The following TESK2 variants were observed in gnomAD, a reference collection of about 807,000 sequenced individuals.
TESK2 encodes the protein dual specificity testis-specific protein kinase 2.
In TESK2, 39 loss-of-function variants were observed where a neutral mutation model predicts 57.1. The ratio of observed to expected loss-of-function variants is 0.68; its 90% CI spans 0.53 to 0.89. The LOEUF (loss-of-function observed/expected upper bound fraction) is 0.89. Among genes scored for constraint, TESK2 ranks in the 40% least tolerant of loss-of-function variants. The pLI is 0.00. For synonymous variants in TESK2, 249 were observed against 267.9 expected (o/e 0.93, Z 0.69); for missense variants, 646 against 732.1 (o/e 0.88, Z 1.36).
chr1:45,405,972 C>T (rs1017194259), intron 3 of TESK2, among the ~76,000 whole-genome samples: 7 of 152,086 alleles, frequency 4.6e-5, no homozygotes, highest in Admixed American at 2.0e-4. Context: ...CCTGCAATCC[C>T]AGTATTTTGG....
At chr1:45,471,166 G>A (rs1482370440) in intron 1 of TESK2, among the ~76,000 whole-genome samples, 2 of 152,096 alleles carry the variant, frequency 1.3e-5, no homozygotes, top group Admixed American at 1.3e-4. Flanking sequence ...AGGAGGCAGA[G>A]GTTGCAGTGA....
At chr1:45,432,815 G>C (rs1570724969) in intron 2 of TESK2, among the ~76,000 whole-genome samples, 1 of 127,660 alleles carries the variant, frequency 7.8e-6, no homozygotes, top group African/African-American at 3.0e-5. Flanking sequence ...CCAGGCTGGA[G>C]TGCAGTGGCA....
chr1:45,454,681 T>A (rs1407830200), intron 2 of TESK2, among the ~76,000 whole-genome samples: 1 of 152,100 alleles, frequency 6.6e-6, no homozygotes, highest in Non-Finnish European at 1.5e-5. Context: ...CCAAAAGAAT[T>A]GCAAGCAAAG....
intron 3 of TESK2, among the ~76,000 whole-genome samples, chr1:45,386,520 T>C (rs1313949133): frequency 6.6e-6 from 1 of 152,040 alleles, no homozygotes; most frequent in Non-Finnish European, 1.5e-5. Flanking sequence ...TTAATCTTTT[T>C]GTTGTTTTTA....
chr1:45,428,198 G>A (rs963832754), intron 2 of TESK2, among the ~76,000 whole-genome samples: 3 of 152,148 alleles, frequency 2.0e-5, no homozygotes, highest in Non-Finnish European at 2.9e-5. Context: ...ATAATCCTGT[G>A]AGACAAGTAT....
At position 45,437,487 on chromosome 1, in the gene TESK2, T is replaced by C. The variant is rs554750156; in HGVS notation, c.223-15641A>G. Among the ~76,000 whole-genome samples the C allele has an allele frequency of 3.3e-5, 5 of 152,366 alleles. No individual in the cohort carries two copies. The East Asian group carries it at 5.8e-4, about 18-fold the overall frequency. On this transcript the variant is annotated intron_variant, in intron 2 of 10. Coordinates refer to ENST00000372086, the MANE Select transcript of TESK2 (RefSeq NM_007170.3). The stretch of plus-strand genomic sequence containing the variant: ...TTTTTCTAGATATAAGATCATTTTA[T>C]CTCCAAAGAGGAACAATTTGACTTC...
chr1:45,482,844 G>C (rs1478340838), intron 1 of TESK2, among the ~76,000 whole-genome samples: 1 of 151,856 alleles, frequency 6.6e-6, no homozygotes, highest in East Asian at 1.9e-4. Flanking sequence ...GCTGGGCGTG[G>C]TGGCAGGCCC....
chr1:45,452,714 A>G (rs1288389996), intron 2 of TESK2, among the ~76,000 whole-genome samples: 5 of 152,068 alleles, frequency 3.3e-5, no homozygotes, highest in Admixed American at 3.3e-4. Flanking sequence ...CAGGAGTTCA[A>G]GACAAGCCTG....
intron 1 of TESK2, among the ~76,000 whole-genome samples, chr1:45,473,412 C>A (rs1025899401): frequency 1.3e-5 from 2 of 152,076 alleles, no homozygotes; most frequent in African/African-American, 4.8e-5. Context: ...ATGACAAAAA[C>A]CACAATTACT....
chr1:45,474,080 G>A (rs1046877437), intron 1 of TESK2, among the ~76,000 whole-genome samples: 3 of 152,054 alleles, frequency 2.0e-5, no homozygotes, highest in African/African-American at 7.2e-5. Flanking sequence ...CAAGCGCAGT[G>A]GCTCACACTT....
At chr1:45,386,799 A>T (rs1392706906) in intron 3 of TESK2, among the ~76,000 whole-genome samples, 2 of 152,038 alleles carry the variant, frequency 1.3e-5, no homozygotes, top group African/African-American at 4.8e-5. Context: ...GACTACAGGC[A>T]TGCGCCACCA....
At chr1:45,433,242 AT>A (rs1001902237) in intron 2 of TESK2, among the ~76,000 whole-genome samples, 3 of 149,530 alleles carry the variant, frequency 2.0e-5, no homozygotes, top group Admixed American at 6.7e-5. Flanking sequence ...TGCCCAGCTA[AT>A]TTTTTTTGTA....
chr1:45,405,071 A>G (rs1167649804), intron 3 of TESK2, among the ~76,000 whole-genome samples: 2 of 152,144 alleles, frequency 1.3e-5, no homozygotes, highest in African/African-American at 4.8e-5. Context: ...TATGTATATT[A>G]TCTAATTTAA....
chr1:45,345,613 C>T (rs1165769484), intron 10 of TESK2, 55 bp from the exon 11 acceptor site: 9 of 1,462,188 alleles, frequency 6.2e-6, no homozygotes, highest in Non-Finnish European at 8.4e-6. Context: ...ATACAAGCAG[C>T]ATTTTACCAC....
chr1:45,357,239 A>G (rs199644219), intron 4 of TESK2, among the ~76,000 whole-genome samples: 2,606 of 126,752 alleles, frequency 0.021, 77 homozygotes, highest in African/African-American at 0.066. Flanking sequence ...ATAAATAAAT[A>G]AATGTATGTA....
intron 5 of TESK2, among the ~76,000 whole-genome samples, chr1:45,352,923 G>A (rs556183954): frequency 2.0e-5 from 3 of 150,326 alleles, no homozygotes; most frequent in South Asian, 2.1e-4. Context: ...TTTCCAAGAC[G>A]GAGTCTCGCT....
intron 5 of TESK2, among the ~76,000 whole-genome samples, chr1:45,354,889 A>T (rs904841983): frequency 4.2e-5 from 6 of 141,644 alleles, no homozygotes; most frequent in African/African-American, 7.9e-5. Context: ...GCTATAAGAA[A>T]ATATAGGCTT....
chr1:45,345,136 G>A lies in TESK2; in HGVS notation c.1420C>T (p.Arg474Trp), dbSNP rs139447263. 3.6e-4 allele frequency: 587 copies of A among 1,614,122 alleles called. 4 individuals are homozygous for A. The African/African-American group carries it at 6.0e-3, about 17-fold the overall frequency. The change falls in exon 11 of 11, where the codon CGG becomes TGG. Residue 474 changes from arginine to tryptophan, a missense_variant. Arg to Trp is a moderately radical substitution (Grantham distance 101, BLOSUM62 -3). Transcript: ENST00000372086. ...GGCCCATCAGATAGCGATTCTTCCC[G>A]GCCCACAAATGGACAAGCCTCTTGA... ...LHQEACPFVG[R>W]EESLSDGPPP...
rs1456672455 is a variant in TESK2, at chr1:45,345,056, C to G, written c.1500G>C (p.Arg500=). Residue 500 remains arginine (R), a synonymous_variant, in exon 11 of 11, where the codon CGG becomes CGC. Transcript: ENST00000372086. The part of the protein sequence containing the change: ...KYRVKEIPPF[R]ASALPAAQAH... ...CTTGAGCAGCTGGTAGGGCAGATGC[C>G]CGGAATGGTGGGATCTCTTTAACTC... 2 of 1,614,212 alleles carry G rather than the reference C, an allele frequency of 1.2e-6. No homozygotes were observed. Among genetic ancestry groups the G allele is most frequent in the Non-Finnish European group, 1.7e-6 (2 of 1,180,040 alleles).
Sources: gnomAD v4.1 joint callset for allele counts (sites outside exome capture counted in the v4.1 genomes callset) on GRCh38, gnomAD v4.1.1 for gene constraint, MANE v1.5 for transcripts, NCBI Gene and HGNC (gene_info 2026-07-23, HGNC 2026-07-21) for gene names.